Variants in GRM1 observed in about 807,000 individuals in gnomAD.
GRM1 encodes the protein metabotropic glutamate receptor 1.
Under a neutral mutation model 90.9 loss-of-function variants are expected in GRM1, and 33 were observed. That is an observed-to-expected ratio of 0.36 (90% CI 0.28 to 0.49). The LOEUF is 0.49. GRM1 is among the 20% of genes least tolerant of loss of function. The pLI is 0.99. For synonymous variants in GRM1, 700 were observed against 613.2 expected (o/e 1.14, Z -2.09); for missense variants, 1,190 against 1,534.3 (o/e 0.78, Z 3.75).
chr6:146,185,155 G>C (rs1400468843), intron 2 of GRM1, among the ~76,000 whole-genome samples: 1 of 152,212 alleles, frequency 6.6e-6, no homozygotes, highest in Non-Finnish European at 1.5e-5. Context: ...ATGATATGCA[G>C]TAGCCTTAAT....
chr6:146,261,865 G>T (rs972199404), intron 2 of GRM1, among the ~76,000 whole-genome samples: 2 of 151,914 alleles, frequency 1.3e-5, no homozygotes, highest in African/African-American at 2.4e-5. Flanking sequence ...AAATAGAAAA[G>T]AAATGTAAGC....
chr6:146,213,867 T>C (rs1370058276), intron 2 of GRM1, among the ~76,000 whole-genome samples: 1 of 152,024 alleles, frequency 6.6e-6, no homozygotes, highest in Non-Finnish European at 1.5e-5. Flanking sequence ...TATGCAGGCC[T>C]CAGAACCAGG....
chr6:146,309,183 G>A (rs1783691162), intron 3 of GRM1, among the ~76,000 whole-genome samples: 1 of 152,072 alleles, frequency 6.6e-6, no homozygotes, highest in Non-Finnish European at 1.5e-5. Flanking sequence ...CAGATGGCTT[G>A]AGGTCAGGAG....
intron 2 of GRM1, among the ~76,000 whole-genome samples, chr6:146,237,125 G>T (rs1227279438): frequency 6.6e-6 from 1 of 152,020 alleles, no homozygotes; most frequent in East Asian, 1.9e-4. Context: ...TTAGTTGGTT[G>T]CTTTGTGACT....
At chr6:146,351,881 A>G (rs1367363716) in intron 3 of GRM1, among the ~76,000 whole-genome samples, 1 of 152,230 alleles carries the variant, frequency 6.6e-6, no homozygotes, top group Non-Finnish European at 1.5e-5. Flanking sequence ...ATGTTTTTCC[A>G]GTACCATGAT....
At chr6:146,073,636 G>T (rs539515546) in intron 1 of GRM1, among the ~76,000 whole-genome samples, 2 of 152,128 alleles carry the variant, frequency 1.3e-5, no homozygotes, top group Non-Finnish European at 2.9e-5. Context: ...AATCCAAGTG[G>T]TATTGTAGAG....
At chr6:146,192,516 T>C (rs1778965616) in intron 2 of GRM1, among the ~76,000 whole-genome samples, 1 of 152,196 alleles carries the variant, frequency 6.6e-6, no homozygotes, top group African/African-American at 2.4e-5. Context: ...GCATATAAAA[T>C]ACCCGATATA....
At chr6:146,284,341 A>G in intron 2 of GRM1, among the ~76,000 whole-genome samples, 1 of 152,204 alleles carries the variant, frequency 6.6e-6, no homozygotes, top group East Asian at 1.9e-4. Context: ...TAGCATAGGT[A>G]TGGTTGTTTT....
chr6:146,160,968 A>T (rs1357642822), intron 2 of GRM1, among the ~76,000 whole-genome samples: 1 of 152,172 alleles, frequency 6.6e-6, no homozygotes, highest in African/African-American at 2.4e-5. Flanking sequence ...TAAAATGTTC[A>T]TAAGAAAGCA....
intron 3 of GRM1, among the ~76,000 whole-genome samples, chr6:146,309,716 A>AG (rs1205481053): frequency 6.6e-6 from 1 of 151,814 alleles, no homozygotes; most frequent in African/African-American, 2.4e-5. Context: ...TAAAAAAAAA[A>AG]GCACTGAATA....
Position 146,399,202 on chromosome 6 carries a change from G to C in GRM1, c.2163G>C (p.Val721=), listed in dbSNP as rs915728798. The C allele has an allele frequency of 1.2e-6, 2 of 1,614,040 alleles. No homozygotes were observed. Among genetic ancestry groups the C allele is most frequent in the Non-Finnish European group, 1.7e-6 (2 of 1,179,996 alleles). Residue 721 remains valine (V), a synonymous_variant, in exon 7 of 8, where the codon GTG becomes GTC. Transcript: ENST00000282753. The surrounding 1 kb of genome is among the most constrained non-coding windows in gnomAD (Gnocchi z 5.4). ...SILISVQLTL[V]VTLIIMEPPM... is the part of the protein sequence containing the mutation. ...TGATTAGTGTGCAACTAACCCTGGT[G>C]GTAACCCTGATCATCATGGAACCCC...
At chr6:146,149,114 G>T (rs1433063280) in intron 1 of GRM1, among the ~76,000 whole-genome samples, 1 of 152,264 alleles carries the variant, frequency 6.6e-6, no homozygotes, top group East Asian at 1.9e-4. Context: ...GTGGATCATT[G>T]TATGAAGCTC....
At chr6:146,108,010 A>G (rs915000830) in intron 1 of GRM1, among the ~76,000 whole-genome samples, 3 of 152,162 alleles carry the variant, frequency 2.0e-5, no homozygotes, top group Admixed American at 1.3e-4. Context: ...AGAGATTTAC[A>G]TTTTTCAGAG....
chr6:146,228,831 T>C (rs1427084784), intron 2 of GRM1, among the ~76,000 whole-genome samples: 2 of 152,176 alleles, frequency 1.3e-5, no homozygotes, highest in East Asian at 1.9e-4. Flanking sequence ...ACATCATCTA[T>C]AAATGCGGCA....
chr6:146,061,670 A>T (rs1481727948), intron 1 of GRM1, among the ~76,000 whole-genome samples: 2 of 152,046 alleles, frequency 1.3e-5, no homozygotes, highest in Non-Finnish European at 2.9e-5. Flanking sequence ...ATGAACAAAC[A>T]CTTCTCAAAA....
At chr6:146,312,349 CAAAA>C (rs1166008558) in intron 3 of GRM1, among the ~76,000 whole-genome samples, 2 of 21,338 alleles carry the variant, frequency 9.4e-5, no homozygotes, top group Admixed American at 8.4e-4. Flanking sequence ...AACTCCGTCT[CAAAA>C]AAAAAAAAAA....
chr6:146,286,261 G>T (rs958007889), intron 2 of GRM1, among the ~76,000 whole-genome samples: 1 of 152,032 alleles, frequency 6.6e-6, no homozygotes, highest in Non-Finnish European at 1.5e-5. Context: ...TTCCAAAGCT[G>T]TCTATTCTAA....
At chr6:146,315,908 C>T (rs1783948315) in intron 3 of GRM1, among the ~76,000 whole-genome samples, 1 of 152,110 alleles carries the variant, frequency 6.6e-6, no homozygotes, top group Non-Finnish European at 1.5e-5. Flanking sequence ...ATTCCGAAAC[C>T]AGTAAGTCAT....
intron 3 of GRM1, among the ~76,000 whole-genome samples, chr6:146,327,971 G>A (rs919814918): frequency 6.6e-6 from 1 of 152,150 alleles, no homozygotes; most frequent in Non-Finnish European, 1.5e-5. Flanking sequence ...ATTTCCACAG[G>A]CAAGGATGTG....
Sources: allele counts gnomAD v4.1 joint callset (sites outside exome capture counted in the v4.1 genomes callset), GRCh38; gene constraint gnomAD v4.1.1; non-coding constraint Gnocchi (gnomAD v3.1); transcripts MANE v1.5; gene names NCBI Gene and HGNC (gene_info 2026-07-23, HGNC 2026-07-21).